The following RFX8 variants were observed in gnomAD, a reference collection of about 807,000 sequenced individuals.
RFX8 encodes regulatory factor X8.
In RFX8, 46 loss-of-function variants were observed where a neutral mutation model predicts 54.6. The observed-to-expected ratio is 0.84, with a 90% CI of 0.67 to 1.08. The LOEUF (loss-of-function observed/expected upper bound fraction) is 1.08, where lower values mean the gene tolerates loss of function less well. RFX8 is among the 50% of genes least tolerant of loss of function. The probability of loss-of-function intolerance (pLI) is 0.00; values close to 1 mark genes in which losing one functional copy is unlikely to be tolerated. For missense variants in RFX8, 536 were observed against 562.3 expected, an observed-to-expected ratio of 0.95 and a Z score of 0.47; for synonymous variants, 192 against 209.5, an observed-to-expected ratio of 0.92 and a Z score of 0.72.
At chr2:101,407,810 C>A (rs1685831042) in intron 9 of RFX8, among the ~76,000 whole-genome samples, 1 of 152,212 alleles carries the variant, frequency 6.6e-6, no homozygotes, top group Non-Finnish European at 1.5e-5. Context: ...CACCATTGAG[C>A]TTTCTTCCCG....
chr2:101,420,193 C>G (rs1686782003), intron 4 of RFX8, among the ~76,000 whole-genome samples: 1 of 152,102 alleles, frequency 6.6e-6, no homozygotes, highest in South Asian at 2.1e-4. Flanking sequence ...ATCCGAGGCC[C>G]CTTCTGGCAT....
chr2:101,463,508 G>T (rs1337247995), intron 2 of RFX8, among the ~76,000 whole-genome samples: 1 of 152,198 alleles, frequency 6.6e-6, no homozygotes, highest in Non-Finnish European at 1.5e-5. Context: ...CCATGAAAGA[G>T]CTGGCATGTG....
At chr2:101,410,747 G>A in intron 8 of RFX8, 34 bp from the exon 9 acceptor site, 1 of 1,091,374 alleles carries the variant, frequency 9.2e-7, no homozygotes, top group Non-Finnish European at 1.4e-6. Flanking sequence ...ACAAAAGATT[G>A]CATGCAGCAG....
At chr2:101,426,481 T>C (rs943708973) in intron 2 of RFX8, among the ~76,000 whole-genome samples, 2 of 152,242 alleles carry the variant, frequency 1.3e-5, no homozygotes, top group African/African-American at 4.8e-5. Flanking sequence ...ATCGTGCCAC[T>C]GCTCTCCAGC....
chr2:101,473,875 C>G (rs1194042597), intron 1 of RFX8, among the ~76,000 whole-genome samples: 3 of 152,232 alleles, frequency 2.0e-5, no homozygotes, highest in Non-Finnish European at 4.4e-5. Context: ...GGCCCAGGAG[C>G]TTTTGGATGT....
chr2:101,452,296 GT>G lies in RFX8; in HGVS notation c.72+14480del. ...TGGTAAGAGTTGTTATTTATAGTTTGTTTTGTTTTGCATTTTTTATCATTCA... is the reference window on the plus strand; with the variant it reads ...TGGTAAGAGTTGTTATTTATAGTTTGTTTGTTTTGCATTTTTTATCATTCA... On this transcript the variant is annotated intron_variant, in intron 2 of 11. Transcript: ENST00000428343. 3 of 695,828 alleles carry G rather than the reference GT, an allele frequency of 4.3e-6. No individual in the cohort carries two copies. In the East Asian group the frequency reaches 9.7e-5, roughly 22 times the overall value. The allele number at this position is 695,828 out of a possible 1,614,324, so 43.1% of individuals were successfully genotyped here.
Position 101,418,804 on chromosome 2 carries a change from C to T in RFX8, c.351+47G>A, listed in dbSNP as rs913578190. On this transcript the variant is annotated intron_variant, in intron 5 of 11. Coordinates refer to ENST00000428343, the MANE Select transcript of RFX8 (RefSeq NM_001145664.2). ...GTGGGTCCAAACCCAGCATTTGCTG[C>T]CAATTTCTGCAAAGGATATACTCTA... 5.6e-6 allele frequency: 7 copies of T among 1,246,202 alleles called. No individual in the cohort carries two copies. In the African/African-American group the frequency reaches 9.0e-5, roughly 16 times the overall value. The allele number at this position is 1,246,202 out of a possible 1,614,324, so 77.2% of individuals were successfully genotyped here.
At position 101,410,669 on chromosome 2, in the gene RFX8, T is replaced by A; in HGVS notation, c.763A>T (p.Arg255Trp). Residue 255 changes from arginine (R) to tryptophan (W), a missense_variant, in exon 9 of 12, where the codon AGG becomes TGG. Coordinates refer to ENST00000428343, the MANE Select transcript of RFX8 (RefSeq NM_001145664.2). ...ISLLGTSTDLRVFLSCLSSHL... is the reference protein window; with the variant it reads ...ISLLGTSTDLWVFLSCLSSHL... ...GAAGACAGACAGCTGAGGAATACCC[T>A]GAGATCTGTTGATGTTCCCAGCAAA... The A allele has an allele frequency of 6.5e-7, 1 of 1,546,824 alleles. No homozygotes were observed. Among genetic ancestry groups the A allele is most frequent in the East Asian group, 2.4e-5 (1 of 40,880 alleles).
chr2:101,473,962 G>A (rs1056544798), intron 1 of RFX8, among the ~76,000 whole-genome samples: 1 of 152,228 alleles, frequency 6.6e-6, no homozygotes, highest in African/African-American at 2.4e-5. Flanking sequence ...TGACAACGGG[G>A]AAGTCACAGA....
In RFX8 at chr2:101,406,063, A is replaced by C; in HGVS notation, c.814-6T>G. The C allele has an allele frequency of 4.0e-6, 6 of 1,518,046 alleles. No homozygotes were observed. The highest frequency in any genetic ancestry group is 5.3e-6 in the Non-Finnish European group (6 of 1,124,962). 94.0% of individuals were successfully genotyped at this position (1,518,046 alleles called of 1,614,324 possible). A position where few individuals can be genotyped will look rare whatever the true frequency, so the allele number is the denominator to read the frequency against. ...TCTTCTTTGCTTCTGCTTGTCTGTT[A>C]AGTTTTTGTGAGAAAAAAGGCTGCA... On this transcript the variant is annotated splice_polypyrimidine_tract_variant and splice_region_variant and intron_variant, in intron 9 of 11. Coordinates refer to ENST00000428343, the MANE Select transcript of RFX8 (RefSeq NM_001145664.2).
At chr2:101,424,188 T>C (rs1687036555) in intron 2 of RFX8, among the ~76,000 whole-genome samples, 2 of 152,190 alleles carry the variant, frequency 1.3e-5, no homozygotes, top group African/African-American at 4.8e-5. Context: ...CACACCACAC[T>C]TTACAATATT....
intron 2 of RFX8, among the ~76,000 whole-genome samples, chr2:101,458,025 T>C (rs184627234): frequency 2.0e-5 from 3 of 152,340 alleles, no homozygotes; most frequent in African/African-American, 7.2e-5. Context: ...GAGACAAGGA[T>C]TGCAACCCCT....
intron 2 of RFX8, among the ~76,000 whole-genome samples, chr2:101,449,425 G>C (rs1171360342): frequency 6.6e-6 from 1 of 152,140 alleles, no homozygotes; most frequent in Non-Finnish European, 1.5e-5. Flanking sequence ...AGGATTAAAG[G>C]AGATATGGGT....
chr2:101,411,720 C>G (rs1271183969), intron 8 of RFX8, among the ~76,000 whole-genome samples: 1 of 152,002 alleles, frequency 6.6e-6, no homozygotes, highest in East Asian at 1.9e-4. Context: ...AAAAAAGTGC[C>G]CTATGGGAGG....
In RFX8 at chr2:101,421,722, A is replaced by C. The variant is rs1181922918; in HGVS notation, c.237+2T>G. On this transcript the variant is annotated splice_donor_variant, in intron 4 of 11. Transcript: ENST00000428343. LOFTEE classifies it high-confidence loss of function. ...TACCCTCTCAAGTTCTCAGTTCCTC[A>C]CATTTCGTAAAATGTCTCGACAATA... 2 of 1,550,528 alleles carry C rather than the reference A, an allele frequency of 1.3e-6. No individual in the cohort carries two copies. The highest frequency in any genetic ancestry group is 4.9e-5 in the East Asian group (2 of 40,874).
intron 2 of RFX8, among the ~76,000 whole-genome samples, chr2:101,446,607 G>A (rs75355070): frequency 0.021 from 3,122 of 152,134 alleles, 107 homozygotes; most frequent in African/African-American, 0.071. Flanking sequence ...CTTCCTCACC[G>A]ATGATAAAGC....
At chr2:101,402,842 C>T in intron 10 of RFX8, 90 bp from the exon 11 acceptor site, 1 of 1,181,590 alleles carries the variant, frequency 8.5e-7, no homozygotes, top group Non-Finnish European at 1.2e-6. Context: ...CTGGGGCTAA[C>T]ACCTGTGTAC....
chr2:101,462,501 T>C (rs900160332), intron 2 of RFX8, among the ~76,000 whole-genome samples: 1 of 152,332 alleles, frequency 6.6e-6, no homozygotes, highest in East Asian at 1.9e-4. Context: ...TTATACAAGA[T>C]GCACTTGAAA....
chr2:101,417,079 A>G (rs1439781844), intron 6 of RFX8, among the ~76,000 whole-genome samples: 1 of 152,216 alleles, frequency 6.6e-6, no homozygotes, highest in African/African-American at 2.4e-5. Flanking sequence ...ACCAGCACTA[A>G]AAGCCAGAAA....
Sources: allele counts gnomAD v4.1 joint callset (sites outside exome capture counted in the v4.1 genomes callset), GRCh38; gene constraint gnomAD v4.1.1; transcripts MANE v1.5; gene names NCBI Gene and HGNC (gene_info 2026-07-23, HGNC 2026-07-21).